KDR: variants seen among roughly 807,000 people sequenced by gnomAD.
The protein encoded by KDR is kinase insert domain receptor, also known as vascular endothelial growth factor receptor 2.
Under a neutral mutation model 160.9 loss-of-function variants are expected in KDR, and 43 were observed. The observed-to-expected ratio is 0.27, with a 90% CI of 0.21 to 0.34. The LOEUF (loss-of-function observed/expected upper bound fraction) is 0.34, where lower values mean the gene tolerates loss of function less well. Ranked by LOEUF, KDR falls within the 10% of genes least tolerant of loss-of-function variation. KDR has a pLI of 1.00. For synonymous variants in KDR, 617 were observed against 600.1 expected, an observed-to-expected ratio of 1.03 and a Z score of -0.41; for missense variants, 1,469 against 1,666.4, an observed-to-expected ratio of 0.88 and a Z score of 2.06.
intron 21 of KDR, among the ~76,000 whole-genome samples, chr4:55,093,966 G>A (rs1161308845): frequency 1.3e-5 from 2 of 152,088 alleles, no homozygotes; most frequent in Admixed American, 1.3e-4. Flanking sequence ...TTGGGAGGCT[G>A]AGGCAGGCGG....
chr4:55,094,906 G>A lies in KDR; in HGVS notation c.2867C>T (p.Pro956Leu), dbSNP rs1560515736. ...RQGKDYVGAI[P>L]VDLKRRLDSI... ...GTCCAAGCGCCGTTTCAGATCCACA[G>A]GGATTGCTCCAACGTAGTCTTTCCC... is the stretch of plus-strand genomic sequence containing the variant. The change falls in exon 21 of 30, where the codon CCT becomes CTT. Residue 956 changes from proline (P) to leucine (L), a missense_variant. This residue lies in a region of KDR where 151 missense variants were observed against 207.2 expected (regional missense o/e 0.73). Coordinates refer to ENST00000263923, the MANE Select transcript of KDR (RefSeq NM_002253.4). 5.0e-6 allele frequency: 8 copies of A among 1,613,976 alleles called. No homozygotes were observed. Among genetic ancestry groups the A allele is most frequent in the East Asian group, 2.2e-5 (1 of 44,860 alleles).
intron 13 of KDR, among the ~76,000 whole-genome samples, chr4:55,103,620 G>C (rs1026188916): frequency 1.2e-4 from 18 of 152,126 alleles, no homozygotes; most frequent in African/African-American, 4.3e-4. Context: ...TGACCCCAAA[G>C]TATCTCTTAT....
Position 55,087,747 on chromosome 4 carries a change from G to C in KDR, c.3522C>G (p.Asp1174Glu). Residue 1174 changes from aspartate to glutamate, a missense_variant, in exon 27 of 30, where the codon GAC becomes GAG. By Grantham distance (45) the Asp-to-Glu change is conservative (BLOSUM62 2). Around this residue, in one of 7 missense-constraint regions of KDR, gnomAD observed 132 missense variants for 195.9 expected, o/e 0.67. Transcript: ENST00000263923. ...LQANAQQDGK[D>E]YIVLPISETL... ...TCTCTGATATCGGAAGAACAATGTAGTCTTTGCCATCCTGAAACAATAAAC... is the reference window on the plus strand; with the variant it reads ...TCTCTGATATCGGAAGAACAATGTACTCTTTGCCATCCTGAAACAATAAAC... 1 of 1,614,122 alleles carries C rather than the reference G, an allele frequency of 6.2e-7. No individual in the cohort carries two copies. The highest frequency in any genetic ancestry group is 1.3e-5 in the African/African-American group (1 of 75,042).
chr4:55,081,868 G>A (rs1560511434), intron 29 of KDR, 88 bp downstream of exon 29: 1 of 856,664 alleles, frequency 1.2e-6, no homozygotes, highest in Non-Finnish European at 2.0e-6. Context: ...AGACCCCATA[G>A]GGAAAATTCT....
rs781484372 is a variant in KDR, at chr4:55,089,364, A to G, written c.3404+10T>C. On this transcript the variant is annotated intron_variant, in intron 25 of 29. Coordinates refer to ENST00000263923, the MANE Select transcript of KDR (RefSeq NM_002253.4). ...GAAAGAGAACACAGGAATACTTCTT[A>G]AAGTCTTACATTTCTGGTGTAGTAT... 4 of 1,575,660 alleles carry G rather than the reference A, an allele frequency of 2.5e-6. No individual in the cohort carries two copies. In the Admixed American group the frequency reaches 5.0e-5, roughly 20 times the overall value.
rs2110018225 is a variant in KDR, at chr4:55,098,779, T to A, written c.2291A>T (p.Glu764Val). The A allele has an allele frequency of 6.2e-7, 1 of 1,613,062 alleles. No individual in the cohort carries two copies. Among genetic ancestry groups the A allele is most frequent in the Non-Finnish European group, 8.5e-7 (1 of 1,179,250 alleles). Reference protein sequence around the residue: ...IEGAQEKTNLEIIILVGTAVI... With the variant: ...IEGAQEKTNLVIIILVGTAVI... ...CGCCGTGCCTACTAGAATAATGATT[T>A]CCAAGTTCGTCTTTTCCTGGGCACC... Residue 764 changes from glutamate to valine, a missense_variant, in exon 16 of 30, where the codon GAA (glutamate) becomes GTA (valine). By Grantham distance (121) the Glu-to-Val change is moderately radical. Around this residue, in one of 7 missense-constraint regions of KDR, gnomAD observed 118 missense variants for 110.8 expected, o/e 1.06. Coordinates refer to ENST00000263923, the MANE Select transcript of KDR (RefSeq NM_002253.4).
rs1245010972 is a variant in KDR at position 55,107,719 on chromosome 4, G to A, written c.1412+18C>T. 2 of 1,613,728 alleles carry A rather than the reference G, an allele frequency of 1.2e-6. No individual in the cohort carries two copies. The highest frequency in any genetic ancestry group is 1.7e-5 in the Admixed American group (1 of 60,004). On this transcript the variant is annotated intron_variant, in intron 10 of 29. Coordinates refer to ENST00000263923, the MANE Select transcript of KDR (RefSeq NM_002253.4). ...ATGCAAGATGGCAGGAAAGCAAAGA[G>A]CATGTGGCCTTACTCACCTGGGCTC...
intron 22 of KDR, 68 bp from the exon 23 acceptor site, chr4:55,090,146 C>A (rs2110012017): frequency 6.3e-7 from 1 of 1,582,484 alleles, no homozygotes. Flanking sequence ...GTTGTGACCT[C>A]ATGCATCAAA....
intron 26 of KDR, among the ~76,000 whole-genome samples, 177 bp from the exon 27 acceptor site, chr4:55,087,935 A>G (rs1192322950): frequency 6.6e-6 from 1 of 152,244 alleles, no homozygotes; most frequent in Non-Finnish European, 1.5e-5. Flanking sequence ...AGCTGTTGAA[A>G]TGGAAGGTAT....
intron 9 of KDR, among the ~76,000 whole-genome samples, chr4:55,108,552 C>G (rs553390950): frequency 1.3e-5 from 2 of 152,158 alleles, no homozygotes; most frequent in South Asian, 4.1e-4. Flanking sequence ...ACTCAGTTAA[C>G]GAACGGCAAA....
chr4:55,099,311 C>T (rs180714788), intron 15 of KDR, among the ~76,000 whole-genome samples: 48 of 152,326 alleles, frequency 3.2e-4, no homozygotes, highest in Admixed American at 3.1e-3. Flanking sequence ...TAAGCCACCA[C>T]ACCTGGCCTA....
At chr4:55,114,050 C>G in intron 6 of KDR, 76 bp downstream of exon 6, 3 of 1,524,716 alleles carry the variant, frequency 2.0e-6, no homozygotes, top group Non-Finnish European at 2.7e-6. Flanking sequence ...CAAAGAGGCC[C>G]CTATCTCTCA....
chr4:55,081,977 G>T lies in KDR; in HGVS notation c.3827C>A (p.Thr1276Asn). The stretch of plus-strand genomic sequence containing the variant: ...TTACCCAAAAGATGGAGATAATTTG[G>T]TTCTGTCTTCCAAAGTTTTCAGCTC... ...SEELKTLEDRTKLSPSFGGMV... is the reference protein window; with the variant it reads ...SEELKTLEDRNKLSPSFGGMV... The change falls in exon 29 of 30, where the codon ACC becomes AAC. Residue 1276 changes from threonine (T) to asparagine (N), a missense_variant. This residue lies in a region of KDR where 229 missense variants were observed against 197.8 expected (regional missense o/e 1.16). Transcript: ENST00000263923. 1 of 1,612,956 alleles carries T rather than the reference G, an allele frequency of 6.2e-7. No homozygotes were observed. The highest frequency in any genetic ancestry group is 1.1e-5 in the South Asian group (1 of 91,046).
In KDR at chr4:55,117,666, G is replaced by A. The variant is rs62304715; in HGVS notation, c.358+938C>T. On this transcript the variant is annotated intron_variant, in intron 3 of 29. Transcript: ENST00000263923. ...TCTTGCCCTGTAAAAGCTGCTTCTG[G>A]GAAAAAAGTCTAAGTCATCTTCACC... is the stretch of plus-strand genomic sequence containing the variant. Among the ~76,000 whole-genome samples the A allele has an allele frequency of 4.4e-3, 671 of 152,184 alleles. 2 individuals are homozygous for A. The highest frequency in any genetic ancestry group is 7.8e-3 in the Non-Finnish European group (530 of 68,002).
intron 11 of KDR, 67 bp from the exon 12 acceptor site, chr4:55,106,007 C>T: frequency 1.0e-6 from 1 of 960,732 alleles, no homozygotes. Flanking sequence ...GCACTCAGTC[C>T]AGCAGTCTCC....
chr4:55,107,077 A>G (rs1451713012), intron 10 of KDR, among the ~76,000 whole-genome samples: 1 of 152,198 alleles, frequency 6.6e-6, no homozygotes, highest in African/African-American at 2.4e-5. Context: ...AGACAATTCA[A>G]GTTAATTTAG....
At chr4:55,124,653 C>A (rs935370994) in intron 1 of KDR, among the ~76,000 whole-genome samples, 14 of 151,316 alleles carry the variant, frequency 9.3e-5, no homozygotes, top group African/African-American at 3.4e-4. Context: ...CGGCGTCCTG[C>A]ACCAAGGAAG....
intron 6 of KDR, among the ~76,000 whole-genome samples, chr4:55,113,819 A>T (rs1720658579): frequency 6.6e-6 from 1 of 152,198 alleles, no homozygotes; most frequent in South Asian, 2.1e-4. Flanking sequence ...TAGATCAAAA[A>T]CTTTGGAGAA....
rs1483284953 is a variant in KDR, at chr4:55,080,044, TC to T, written c.3967del (p.Glu1323LysfsTer5). On this transcript the variant is annotated frameshift_variant, in exon 30 of 30. Transcript: ENST00000263923. LOFTEE classifies it low-confidence loss of function (END_TRUNC). ...DTDTTVYSSE[E>X]AELLKLIEIG... ...CTCTATCAGCTTTAAAAGTTCTGCT[TC>T]CTCACTGGAGTACACGGTGGTGTCT... 1.9e-6 allele frequency: 3 copies of T among 1,614,046 alleles called. No homozygotes were observed. The highest frequency in any genetic ancestry group is 3.3e-5 in the Admixed American group (2 of 60,004).
Sources: allele counts gnomAD v4.1 joint callset (sites outside exome capture counted in the v4.1 genomes callset), GRCh38; gene constraint gnomAD v4.1.1; regional missense constraint gnomAD v4.1.1; transcripts MANE v1.5; gene names NCBI Gene and HGNC (gene_info 2026-07-23, HGNC 2026-07-21).